C1orf198: variants seen among roughly 807,000 people sequenced by gnomAD.
The protein encoded by C1orf198 is chromosome 1 open reading frame 198.
Under a neutral mutation model 31.4 loss-of-function variants are expected in C1orf198, and 17 were observed. The ratio of observed to expected loss-of-function variants is 0.54; its 90% CI spans 0.37 to 0.81. The LOEUF (loss-of-function observed/expected upper bound fraction) is 0.81, where lower values mean the gene tolerates loss of function less well. C1orf198 is among the 40% of genes least tolerant of loss of function. The pLI, the probability that C1orf198 is intolerant of heterozygous loss-of-function variation, is 0.00. For missense variants in C1orf198, 401 were observed against 450.3 expected (o/e 0.89, Z 0.99); for synonymous variants, 175 against 193.8 (o/e 0.90, Z 0.81).
chr1:230,868,261 G>T lies in C1orf198; in HGVS notation c.252C>A (p.Asp84Glu). The change falls in exon 1 of 4, where the codon GAC becomes GAA. Residue 84 changes from aspartate (D) to glutamate (E), a missense_variant. Coordinates refer to ENST00000366663, the MANE Select transcript of C1orf198 (RefSeq NM_032800.3). ...GCGTGAGCTCCTCCGAGTCCCCGGG[G>T]TCTCGGGGCGCCGGGGCGCGCGGCC... Reference protein sequence around the residue: ...LVGPRAPAPRDPGDSEELTRF... With the variant: ...LVGPRAPAPREPGDSEELTRF... 1 of 1,576,956 alleles carries T rather than the reference G, an allele frequency of 6.3e-7. No individual in the cohort carries two copies. Among genetic ancestry groups the T allele is most frequent in the Non-Finnish European group, 8.6e-7 (1 of 1,163,780 alleles).
chr1:230,854,847 A>T (rs1235930877), intron 2 of C1orf198, among the ~76,000 whole-genome samples: 1 of 152,164 alleles, frequency 6.6e-6, no homozygotes, highest in Non-Finnish European at 1.5e-5. Flanking sequence ...GATGTGGACA[A>T]GTGAAAAACC....
chr1:230,846,914 T>A (rs200678339), intron 2 of C1orf198, among the ~76,000 whole-genome samples: 217 of 146,594 alleles, frequency 1.5e-3, no homozygotes, highest in South Asian at 1.7e-3. Context: ...CCATCCCGGC[T>A]AAAACGGTGA....
intron 2 of C1orf198, among the ~76,000 whole-genome samples, chr1:230,852,029 C>T (rs188371506): frequency 1.7e-3 from 253 of 152,308 alleles, no homozygotes; most frequent in African/African-American, 5.7e-3. Context: ...TAGGTAGATT[C>T]GTCAGGGGAT....
At chr1:230,844,125 G>T (rs6658324) in intron 2 of C1orf198, among the ~76,000 whole-genome samples, 11,478 of 152,032 alleles carry the variant, frequency 0.075, 1,400 homozygotes, top group African/African-American at 0.26. Context: ...GGGTGACAGA[G>T]TGTGGGTGGT....
intron 1 of C1orf198, among the ~76,000 whole-genome samples, chr1:230,866,246 C>A (rs1408600546): frequency 6.6e-6 from 1 of 152,204 alleles, no homozygotes; most frequent in African/African-American, 2.4e-5. Context: ...TACGCAGACA[C>A]TGCAGGCAAA....
Position 230,840,378 on chromosome 1 carries a change from C to T in C1orf198, c.928-470G>A, listed in dbSNP as rs1468959565. Among the ~76,000 whole-genome samples, 1 of 152,230 alleles carries T rather than the reference C, an allele frequency of 6.6e-6. No individual in the cohort carries two copies. Among genetic ancestry groups the T allele is most frequent in the Non-Finnish European group, 1.5e-5 (1 of 68,036 alleles). Reference sequence around the variant, plus strand: ...GAAAGAATGTGAAGCTTATTTCTTTCAGATCTTGTGAAAGGTTATGAAGTG... The same window carrying T: ...GAAAGAATGTGAAGCTTATTTCTTTTAGATCTTGTGAAAGGTTATGAAGTG... On this transcript the variant is annotated intron_variant, in intron 3 of 3. Coordinates refer to ENST00000366663, the MANE Select transcript of C1orf198 (RefSeq NM_032800.3). This position sits in a 1 kb window ranked among gnomAD's most constrained non-coding sequence, Gnocchi z 4.0.
intron 1 of C1orf198, among the ~76,000 whole-genome samples, chr1:230,859,053 T>C (rs1036831159): frequency 1.3e-5 from 2 of 152,066 alleles, no homozygotes; most frequent in East Asian, 1.9e-4. Context: ...TCTGAGCTCA[T>C]AAAAAACAAT....
At chr1:230,845,242 C>T (rs920687167) in intron 2 of C1orf198, among the ~76,000 whole-genome samples, 1 of 147,256 alleles carries the variant, frequency 6.8e-6, no homozygotes, top group Non-Finnish European at 1.5e-5. Flanking sequence ...AAAGGCCAGG[C>T]ATGATGACAC....
chr1:230,854,765 G>T (rs1669832523), intron 2 of C1orf198, among the ~76,000 whole-genome samples: 1 of 152,062 alleles, frequency 6.6e-6, no homozygotes, highest in Non-Finnish European at 1.5e-5. Context: ...GGCCTCTCAG[G>T]GTCCTTCATG....
chr1:230,853,228 T>C (rs910056890), intron 2 of C1orf198, among the ~76,000 whole-genome samples: 3 of 152,156 alleles, frequency 2.0e-5, no homozygotes. Context: ...AGCCATTAAG[T>C]TTGTTATGCA....
rs79227790 is a variant in C1orf198 at position 230,863,487 on chromosome 1, A to C, written c.333+4693T>G. Among the ~76,000 whole-genome samples the C allele has an allele frequency of 1.0e-3, 153 of 152,348 alleles. 1 individual carries two copies. The highest frequency in any genetic ancestry group is 3.6e-3 in the African/African-American group (151 of 41,590). On this transcript the variant is annotated intron_variant, in intron 1 of 3. Coordinates refer to ENST00000366663, the MANE Select transcript of C1orf198 (RefSeq NM_032800.3). ...TGTAAAAGTGACTCTTATCAATTAAAAGATGACTCCACACCTGTCGCCATG... is the reference window on the plus strand; with the variant it reads ...TGTAAAAGTGACTCTTATCAATTAACAGATGACTCCACACCTGTCGCCATG...
chr1:230,850,634 A>G (rs973135211), intron 2 of C1orf198, among the ~76,000 whole-genome samples: 2 of 151,962 alleles, frequency 1.3e-5, no homozygotes, highest in African/African-American at 4.8e-5. Flanking sequence ...AGGGGCACAC[A>G]GGGGTCTGCT....
rs780164639 is a variant in C1orf198, at chr1:230,843,840, G to A, written c.441C>T (p.Thr147=). 423 of 1,548,836 alleles carry A rather than the reference G, an allele frequency of 2.7e-4. No homozygotes were observed. Among genetic ancestry groups the A allele is most frequent in the Middle Eastern group, 1.4e-3 (8 of 5,726 alleles). ...ALSIQEPSNG[T]AASEPRPLSK... is the part of the protein sequence containing the mutation. ...ACAGTGGTCTGGGCTCGCTGGCGGC[G>A]GTGCCGTTGCTCGGCTCCTGGATGG... Residue 147 remains threonine (T), a synonymous_variant, in exon 3 of 4, where the codon ACC becomes ACT. Transcript: ENST00000366663. The surrounding 1 kb of genome is among the most constrained non-coding windows in gnomAD (Gnocchi z 4.9).
chr1:230,839,972 A>G (rs941495090), intron 3 of C1orf198, 64 bp from the exon 4 acceptor site: 107 of 1,441,220 alleles, frequency 7.4e-5, no homozygotes, highest in East Asian at 1.2e-4. Context: ...GTATAATCTA[A>G]AAACAGCATC....
At chr1:230,845,683 C>CA (rs1008720228) in intron 2 of C1orf198, among the ~76,000 whole-genome samples, 1 of 144,830 alleles carries the variant, frequency 6.9e-6, no homozygotes, top group Non-Finnish European at 1.5e-5. Context: ...AACTCCATTT[C>CA]AAAAAATAAA....
Position 230,843,411 on chromosome 1 carries a change from A to G in C1orf198, c.870T>C (p.Pro290=). ...CTTCCCCATCGTCCTGCCTGACATC[A>G]GGAGATGGCAGCTTCCCCTCGAGCT... ...PSQLEGKLPS[P]DVRQDDGEDT... is the part of the protein sequence containing the mutation. The change falls in exon 3 of 4, where the codon CCT becomes CCC. Residue 290 remains proline, a synonymous_variant. Coordinates refer to ENST00000366663, the MANE Select transcript of C1orf198 (RefSeq NM_032800.3). This position sits in a 1 kb window ranked among gnomAD's most constrained non-coding sequence, Gnocchi z 4.9. The G allele has an allele frequency of 1.3e-6, 2 of 1,574,256 alleles. No homozygotes were observed. The highest frequency in any genetic ancestry group is 1.7e-6 in the Non-Finnish European group (2 of 1,159,420).
chr1:230,844,398 C>A (rs1474224598), intron 2 of C1orf198, among the ~76,000 whole-genome samples: 1 of 152,138 alleles, frequency 6.6e-6, no homozygotes, highest in Non-Finnish European at 1.5e-5. Context: ...CCACAGCCCC[C>A]TGAGGCCTCC....
At chr1:230,855,266 G>A (rs1469510067) in intron 2 of C1orf198, among the ~76,000 whole-genome samples, 1 of 152,258 alleles carries the variant, frequency 6.6e-6, no homozygotes, top group East Asian at 1.9e-4. Context: ...CAATCAGCTC[G>A]TCACCTCCCA....
At chr1:230,858,791 T>C (rs1407301137) in intron 1 of C1orf198, among the ~76,000 whole-genome samples, 1 of 152,224 alleles carries the variant, frequency 6.6e-6, no homozygotes, top group Non-Finnish European at 1.5e-5. Context: ...TCTGCAAAGA[T>C]TAAAATAATA....
Sources: allele counts gnomAD v4.1 joint callset (sites outside exome capture counted in the v4.1 genomes callset), GRCh38; gene constraint gnomAD v4.1.1; non-coding constraint Gnocchi (gnomAD v3.1); transcripts MANE v1.5; gene names NCBI Gene and HGNC (gene_info 2026-07-23, HGNC 2026-07-21).